Variants in OPCML observed in about 807,000 individuals in gnomAD.
The protein encoded by OPCML is opioid-binding protein/cell adhesion molecule.
A neutral mutation model predicts 37.8 loss-of-function variants in OPCML; 13 were observed. The observed-to-expected ratio is 0.34, with a 90% CI of 0.22 to 0.55. OPCML has a LOEUF of 0.55. OPCML is among the 20% of genes least tolerant of loss of function. The probability of loss-of-function intolerance (pLI) is 0.91; values close to 1 mark genes in which losing one functional copy is unlikely to be tolerated. For missense variants in OPCML, 341 were observed against 435.6 expected, an observed-to-expected ratio of 0.78 and a Z score of 1.93; for synonymous variants, 176 against 168.8, an observed-to-expected ratio of 1.04 and a Z score of -0.33.
intron 4 of OPCML, among the ~76,000 whole-genome samples, chr11:132,475,682 CA>C (rs2096152805): frequency 6.6e-6 from 1 of 151,698 alleles, no homozygotes; most frequent in East Asian, 1.9e-4. Flanking sequence ...TTCCAGCCTC[CA>C]GAAACGTGAA....
intron 2 of OPCML, among the ~76,000 whole-genome samples, chr11:132,920,168 T>G (rs540263640): frequency 6.6e-6 from 1 of 152,358 alleles, no homozygotes; most frequent in Non-Finnish European, 1.5e-5. Flanking sequence ...TCAATAAAAA[T>G]AATTACATTT....
rs186814017 is a variant in OPCML, at chr11:133,353,348, T to C, written c.61+178916A>G. Among the ~76,000 whole-genome samples the C allele has an allele frequency of 2.0e-3, 308 of 152,178 alleles. 1 individual carries two copies. The highest frequency in any genetic ancestry group is 3.5e-3 in the Non-Finnish European group (236 of 68,000). ...CTAATTTTTGTATTTTTAGTAGAGATGGGGTTTCACTGTGTTGGCCAGGCT... is the reference window on the plus strand; with the variant it reads ...CTAATTTTTGTATTTTTAGTAGAGACGGGGTTTCACTGTGTTGGCCAGGCT... On this transcript the variant is annotated intron_variant, in intron 1 of 7. Transcript: ENST00000524381.
At chr11:132,766,004 G>A (rs1018632953) in intron 2 of OPCML, among the ~76,000 whole-genome samples, 4 of 151,928 alleles carry the variant, frequency 2.6e-5, no homozygotes, top group African/African-American at 7.3e-5. Flanking sequence ...GACACTATCT[G>A]GCCAAATCTA....
rs1450673525 is a variant in OPCML at position 133,212,076 on chromosome 11, TGG to T, written c.62-269068_62-269067del. ...ACTCTAAGCAGAGCCTTTAAAGGGG[TGG>T]GGTTACACCTGCATAGTGAGGTGGG... is the stretch of plus-strand genomic sequence containing the variant. On this transcript the variant is annotated intron_variant, in intron 1 of 7. Coordinates refer to ENST00000524381, the MANE Select transcript of OPCML (RefSeq NM_001012393.5). The surrounding 1 kb of genome is among the most constrained non-coding windows in gnomAD (Gnocchi z 4.9). 5.3e-5 allele frequency among the ~76,000 whole-genome samples: 8 copies of T among 152,034 alleles called. No individual in the cohort carries two copies. In the South Asian group the frequency reaches 1.7e-3, roughly 32 times the overall value.
At chr11:132,956,004 A>C (rs1377071630) in intron 1 of OPCML, among the ~76,000 whole-genome samples, 2 of 152,246 alleles carry the variant, frequency 1.3e-5, no homozygotes, top group African/African-American at 4.8e-5. Context: ...TTATTCAATT[A>C]ATAATAAAAA....
chr11:133,410,616 A>C (rs12363767), intron 1 of OPCML, among the ~76,000 whole-genome samples: 1 of 117,172 alleles, frequency 8.5e-6, no homozygotes, highest in African/African-American at 3.5e-5. Context: ...GAGTGAAAGC[A>C]CACGTTAAGA....
intron 1 of OPCML, among the ~76,000 whole-genome samples, chr11:133,084,135 G>A (rs1166826027): frequency 1.3e-5 from 2 of 152,070 alleles, no homozygotes. Flanking sequence ...AAGATCTGTA[G>A]GGCAGGCCTT....
intron 2 of OPCML, among the ~76,000 whole-genome samples, chr11:132,886,240 T>G (rs1003040812): frequency 1.3e-5 from 2 of 152,258 alleles, no homozygotes; most frequent in African/African-American, 4.8e-5. Context: ...ACATTTACTA[T>G]TCTCTAATTA....
intron 4 of OPCML, among the ~76,000 whole-genome samples, chr11:132,490,810 CAAAAAAAAAGAAAAA>C (rs1360760930): frequency 1.6e-5 from 2 of 126,182 alleles, no homozygotes; most frequent in East Asian, 2.4e-4. Context: ...GACTCTATCT[CAAAAAAAAAGAAAAA>C]AAAAAAAAAG....
intron 1 of OPCML, among the ~76,000 whole-genome samples, chr11:133,426,620 T>C (rs1242972161): frequency 6.6e-6 from 1 of 152,092 alleles, no homozygotes; most frequent in Admixed American, 6.5e-5. Flanking sequence ...CTGAAAACCA[T>C]GCAAGGAGGC....
At chr11:133,181,322 G>A (rs1937820213) in intron 1 of OPCML, among the ~76,000 whole-genome samples, 1 of 130,158 alleles carries the variant, frequency 7.7e-6, no homozygotes, top group Admixed American at 9.0e-5. Flanking sequence ...CAATATTCCG[G>A]TTGTGATTTT....
At chr11:132,857,604 C>T (rs1942108198) in intron 2 of OPCML, among the ~76,000 whole-genome samples, 1 of 152,120 alleles carries the variant, frequency 6.6e-6, no homozygotes, top group African/African-American at 2.4e-5. Flanking sequence ...TATACTGTAA[C>T]TGATTAAATG....
intron 2 of OPCML, among the ~76,000 whole-genome samples, chr11:132,917,638 G>C (rs2136567590): frequency 6.6e-6 from 1 of 152,296 alleles, no homozygotes; most frequent in East Asian, 1.9e-4. Context: ...GAAGCTGTAG[G>C]TTTTCTTGTT....
intron 2 of OPCML, among the ~76,000 whole-genome samples, chr11:132,930,837 A>C (rs1945175536): frequency 6.6e-6 from 1 of 152,188 alleles, no homozygotes; most frequent in Admixed American, 6.5e-5. Flanking sequence ...TGAAATCTCA[A>C]GAGACTGGAA....
At chr11:132,425,182 G>A (rs1015265448) in intron 7 of OPCML, among the ~76,000 whole-genome samples, 1 of 152,246 alleles carries the variant, frequency 6.6e-6, no homozygotes, top group African/African-American at 2.4e-5. Context: ...GACAGAAACA[G>A]TCCATACCTT....
chr11:133,032,011 A>G (rs2136925866), intron 1 of OPCML, among the ~76,000 whole-genome samples: 1 of 152,282 alleles, frequency 6.6e-6, no homozygotes. Flanking sequence ...ATTTATCTGG[A>G]GCTAAATGAG....
At chr11:133,458,022 T>C (rs1946711332) in intron 1 of OPCML, among the ~76,000 whole-genome samples, 1 of 151,942 alleles carries the variant, frequency 6.6e-6, no homozygotes, top group Non-Finnish European at 1.5e-5. Context: ...GACATGCACC[T>C]GCAATCCGAG....
intron 1 of OPCML, among the ~76,000 whole-genome samples, chr11:133,013,172 G>C (rs940413764): frequency 7.9e-5 from 12 of 152,264 alleles, no homozygotes; most frequent in African/African-American, 2.9e-4. Context: ...TGCACCATGT[G>C]GGCTCTGTTT....
At chr11:132,569,668 G>A (rs1033186431) in intron 3 of OPCML, among the ~76,000 whole-genome samples, 1 of 152,132 alleles carries the variant, frequency 6.6e-6, no homozygotes, top group Non-Finnish European at 1.5e-5. Flanking sequence ...AGTCCTAGAC[G>A]TAATGAGAAT....
Sources: allele counts gnomAD v4.1 joint callset (sites outside exome capture counted in the v4.1 genomes callset), GRCh38; gene constraint gnomAD v4.1.1; non-coding constraint Gnocchi (gnomAD v3.1); transcripts MANE v1.5; gene names NCBI Gene and HGNC (gene_info 2026-07-23, HGNC 2026-07-21).